The following YAE1 variants were observed in gnomAD, a reference collection of about 807,000 sequenced individuals.
YAE1 encodes protein YAE1 homolog.
YAE1 carries 22 observed loss-of-function variants against 23.0 expected under a neutral mutation model. That is an observed-to-expected ratio of 0.96 (90% CI 0.68 to 1.37). The LOEUF (loss-of-function observed/expected upper bound fraction) is 1.37, where lower values mean the gene tolerates loss of function less well. Among genes scored for constraint, YAE1 ranks in the 40% most tolerant of loss-of-function variants. YAE1 has a pLI of 0.00. For synonymous variants in YAE1, 101 were observed against 97.0 expected (o/e 1.04, Z -0.24); for missense variants, 260 against 262.1 (o/e 0.99, Z 0.06).
chr7:39,602,005 A>C (rs1423378483), intron 2 of YAE1, among the ~76,000 whole-genome samples: 1 of 152,058 alleles, frequency 6.6e-6, no homozygotes, highest in Non-Finnish European at 1.5e-5. Context: ...TGGATGCATG[A>C]AAAAAAATGA....
intron 2 of YAE1, among the ~76,000 whole-genome samples, chr7:39,599,547 G>A (rs1791025567): frequency 6.6e-6 from 1 of 151,816 alleles, no homozygotes. Flanking sequence ...GCCAGTTTTT[G>A]TATTTTTAGT....
At position 39,566,616 on chromosome 7, in the gene YAE1, G is replaced by C. The variant is rs532253635; in HGVS notation, c.129+69G>C. On this transcript the variant is annotated intron_variant, in intron 1 of 2. Coordinates refer to ENST00000223273, the MANE Select transcript of YAE1 (RefSeq NM_020192.5). ...AGGCGCGGAGTTGTGAAGAAGCTGGGTCCAGAGTGGCCCCAGCCTGGCCCG... is the reference window on the plus strand; with the variant it reads ...AGGCGCGGAGTTGTGAAGAAGCTGGCTCCAGAGTGGCCCCAGCCTGGCCCG... 777 of 1,593,900 alleles carry C rather than the reference G, an allele frequency of 4.9e-4. 10 individuals carry two copies. In the South Asian group the frequency reaches 8.3e-3, roughly 17 times the overall value.
At position 39,572,602 on chromosome 7, in the gene YAE1, C is replaced by A; in HGVS notation, c.577C>A (p.His193Asn). 6.2e-7 allele frequency: 1 copy of A among 1,614,056 alleles called. No homozygotes were observed. Among genetic ancestry groups the A allele is most frequent in the Non-Finnish European group, 8.5e-7 (1 of 1,179,954 alleles). The change falls in exon 3 of 3, where the codon CAT becomes AAT. Residue 193 changes from histidine (H) to asparagine (N), a missense_variant. His to Asn is a moderately conservative substitution (Grantham distance 68). Transcript: ENST00000223273. ...VECCRTQEHA[H>N]SENPSPTWIL... is the part of the protein sequence containing the mutation. ...ATGTTGTAGAACACAGGAGCATGCA[C>A]ATTCAGAAAACCCAAGCCCCACATG...
At chr7:39,573,691 T>G (rs1005420750), downstream of YAE1, among the ~76,000 whole-genome samples, 4 of 152,172 alleles carry the variant, frequency 2.6e-5, no homozygotes, top group African/African-American at 9.7e-5. Context: ...GACAGGCATA[T>G]TGAGATGAAG....
chr7:39,578,159 A>G (rs1263718042), intron 2 of YAE1, among the ~76,000 whole-genome samples: 2 of 148,018 alleles, frequency 1.4e-5, no homozygotes, highest in African/African-American at 2.5e-5. Flanking sequence ...AAATGCACCA[A>G]TCAGCACTCT....
At chr7:39,575,531 G>A (rs1790638810), downstream of YAE1, among the ~76,000 whole-genome samples, 1 of 137,154 alleles carries the variant, frequency 7.3e-6, no homozygotes, top group Non-Finnish European at 1.6e-5. Flanking sequence ...TCCAGTCTAA[G>A]ATACAGGAGA....
At chr7:39,599,338 G>A (rs1272262989) in intron 2 of YAE1, among the ~76,000 whole-genome samples, 1 of 152,092 alleles carries the variant, frequency 6.6e-6, no homozygotes, top group East Asian at 1.9e-4. Flanking sequence ...GGTGATAATA[G>A]TAGTTTCTAT....
chr7:39,584,063 C>T (rs1006149025), intron 2 of YAE1, among the ~76,000 whole-genome samples: 5 of 152,184 alleles, frequency 3.3e-5, no homozygotes, highest in African/African-American at 1.2e-4. Context: ...TCATGAAACT[C>T]TGCCATGACT....
chr7:39,601,843 C>A (rs1791060073), intron 2 of YAE1, among the ~76,000 whole-genome samples: 1 of 151,478 alleles, frequency 6.6e-6, no homozygotes, highest in African/African-American at 2.4e-5. Flanking sequence ...TTGAATTAAG[C>A]AGATGCTTGG....
intron 2 of YAE1, among the ~76,000 whole-genome samples, chr7:39,598,407 G>A (rs868612989): frequency 2.2e-5 from 3 of 133,842 alleles, no homozygotes; most frequent in African/African-American, 9.1e-5. Flanking sequence ...CCGCACCTGG[G>A]CCAAGTTTTT....
chr7:39,577,396 C>T (rs1790670696), downstream of YAE1, among the ~76,000 whole-genome samples: 1 of 152,200 alleles, frequency 6.6e-6, no homozygotes, highest in East Asian at 1.9e-4. Flanking sequence ...CCTCTCTGGG[C>T]TGGCCGAGGC....
chr7:39,574,313 A>T (rs1452105520), downstream of YAE1, among the ~76,000 whole-genome samples: 1 of 152,188 alleles, frequency 6.6e-6, no homozygotes, highest in Non-Finnish European at 1.5e-5. Context: ...AAAGTACAGA[A>T]GGGGCCAGGC....
At chr7:39,588,383 G>A (rs1235185059) in intron 2 of YAE1, among the ~76,000 whole-genome samples, 1 of 151,866 alleles carries the variant, frequency 6.6e-6, no homozygotes, top group East Asian at 1.9e-4. Flanking sequence ...TTGGTGGCGT[G>A]TGCCTGTAAT....
chr7:39,575,038 C>T (rs551610268), downstream of YAE1, among the ~76,000 whole-genome samples: 1 of 152,106 alleles, frequency 6.6e-6, no homozygotes, highest in Non-Finnish European at 1.5e-5. Flanking sequence ...GGCCTTGGGT[C>T]TCTTGCCTTG....
intron 2 of YAE1, among the ~76,000 whole-genome samples, chr7:39,582,185 T>G (rs1736585897): frequency 6.6e-6 from 1 of 151,968 alleles, no homozygotes; most frequent in Non-Finnish European, 1.5e-5. Context: ...CGGGCTAATT[T>G]TGTTGTTGTC....
downstream of YAE1, among the ~76,000 whole-genome samples, chr7:39,573,868 A>G (rs1412484067): frequency 6.6e-6 from 1 of 152,206 alleles, no homozygotes; most frequent in Non-Finnish European, 1.5e-5. Flanking sequence ...TACCAGTGCC[A>G]TTTGACAGCT....
chr7:39,575,940 T>A (rs1790652152), downstream of YAE1, among the ~76,000 whole-genome samples: 1 of 152,200 alleles, frequency 6.6e-6, no homozygotes, highest in Admixed American at 6.5e-5. Flanking sequence ...CCAACAGCAC[T>A]TTTTCTTGTC....
chr7:39,600,014 C>A (rs1230695067), intron 2 of YAE1, among the ~76,000 whole-genome samples: 1 of 152,126 alleles, frequency 6.6e-6, no homozygotes, highest in African/African-American at 2.4e-5. Flanking sequence ...CATTGATAGT[C>A]CCCTTTTTAT....
At chr7:39,590,682 G>T (rs924141157) in intron 2 of YAE1, among the ~76,000 whole-genome samples, 1 of 151,942 alleles carries the variant, frequency 6.6e-6, no homozygotes, top group African/African-American at 2.4e-5. Context: ...AAATAATTTT[G>T]TGCATGAAAA....
Sources: gnomAD v4.1 joint callset for allele counts (sites outside exome capture counted in the v4.1 genomes callset) on GRCh38, gnomAD v4.1.1 for gene constraint, MANE v1.5 for transcripts, NCBI Gene and HGNC (gene_info 2026-07-23, HGNC 2026-07-21) for gene names.